The following ANKRD6 variants were observed in gnomAD, a reference collection of about 807,000 sequenced individuals.
ANKRD6 encodes ankyrin repeat domain 6.
In ANKRD6, 56 loss-of-function variants were observed where a neutral mutation model predicts 82.3. That is an observed-to-expected ratio of 0.68 (90% confidence interval 0.55 to 0.85). The LOEUF (loss-of-function observed/expected upper bound fraction) is 0.85. Among genes scored for constraint, ANKRD6 ranks in the 40% least tolerant of loss-of-function variants. ANKRD6 has a pLI of 0.00. For missense variants in ANKRD6, 852 were observed against 907.6 expected, an observed-to-expected ratio of 0.94 and a Z score of 0.79; for synonymous variants, 347 against 352.1, an observed-to-expected ratio of 0.99 and a Z score of 0.16.
In ANKRD6 at chr6:89,444,920, A is replaced by G. The variant is rs146280615; in HGVS notation, c.-144+11545A>G. 2.4e-3 allele frequency among the ~76,000 whole-genome samples: 360 copies of G among 152,266 alleles called. 1 individual carries two copies. The highest frequency in any genetic ancestry group is 8.3e-3 in the African/African-American group (343 of 41,542). On this transcript the variant is annotated intron_variant, in intron 1 of 15. Coordinates refer to ENST00000339746, the MANE Select transcript of ANKRD6 (RefSeq NM_001242809.2). ...GAGGCGGAGGTTACAGTGAGCCAAG[A>G]TCACACCATTGCACTCCAACATGAG... is the stretch of plus-strand genomic sequence containing the variant.
chr6:89,476,983 C>T (rs578173479), intron 1 of ANKRD6, among the ~76,000 whole-genome samples: 1 of 152,278 alleles, frequency 6.6e-6, no homozygotes, highest in South Asian at 2.1e-4. Flanking sequence ...CTCGTTCTGT[C>T]GCCCAGGCTG....
rs1230334302 is a variant in ANKRD6 at position 89,491,352 on chromosome 6, T to C, written c.-144+57977T>C. On this transcript the variant is annotated intron_variant, in intron 1 of 15. Coordinates refer to ENST00000339746, the MANE Select transcript of ANKRD6 (RefSeq NM_001242809.2). ...AAGAAACTTGAGAAAACTGCAGATA[T>C]AGGAGGGTTGCTCTTACTTCCCCCA... Among the ~76,000 whole-genome samples, 4 of 152,154 alleles carry C rather than the reference T, an allele frequency of 2.6e-5. 1 individual carries two copies. The highest frequency in any genetic ancestry group is 4.1e-4 in the South Asian group (2 of 4,826).
At chr6:89,461,920 A>G (rs1212326475) in intron 1 of ANKRD6, among the ~76,000 whole-genome samples, 1 of 152,116 alleles carries the variant, frequency 6.6e-6, no homozygotes, top group African/African-American at 2.4e-5. Flanking sequence ...CTCATTAGAG[A>G]TAACCAGTGC....
chr6:89,547,349 G>A (rs563588958), intron 1 of ANKRD6, among the ~76,000 whole-genome samples: 1 of 152,290 alleles, frequency 6.6e-6, no homozygotes, highest in East Asian at 1.9e-4. Context: ...CAGCTGAGTG[G>A]TTTCACTGGT....
intron 2 of ANKRD6, among the ~76,000 whole-genome samples, chr6:89,586,235 A>G (rs1793655498): frequency 6.6e-6 from 1 of 152,240 alleles, no homozygotes; most frequent in African/African-American, 2.4e-5. Flanking sequence ...ATTAAAAGAG[A>G]AAAACACATG....
At chr6:89,629,048 C>T in intron 14 of ANKRD6, 64 bp from the exon 15 acceptor site, 2 of 1,520,632 alleles carry the variant, frequency 1.3e-6, no homozygotes, top group East Asian at 2.3e-5. Context: ...AATTCATAAA[C>T]CATGTATCAA....
At chr6:89,530,223 C>G (rs765181781) in intron 1 of ANKRD6, among the ~76,000 whole-genome samples, 1 of 152,108 alleles carries the variant, frequency 6.6e-6, no homozygotes, top group African/African-American at 2.4e-5. Context: ...CCACTACACT[C>G]CAGCCTGGGC....
chr6:89,466,423 T>A (rs1774852501), intron 1 of ANKRD6, among the ~76,000 whole-genome samples: 1 of 152,174 alleles, frequency 6.6e-6, no homozygotes, highest in African/African-American at 2.4e-5. Flanking sequence ...CTCCTAGAAA[T>A]TTTGCCAGCA....
chr6:89,540,676 G>C (rs907596737), intron 1 of ANKRD6, among the ~76,000 whole-genome samples: 6 of 152,088 alleles, frequency 3.9e-5, no homozygotes, highest in Non-Finnish European at 8.8e-5. Flanking sequence ...TTGTGCTTGC[G>C]GGGTATTGCT....
At chr6:89,585,682 G>T (rs376623707) in intron 2 of ANKRD6, among the ~76,000 whole-genome samples, 5 of 152,240 alleles carry the variant, frequency 3.3e-5, no homozygotes, top group African/African-American at 1.2e-4. Context: ...GCCAAGGCGG[G>T]TGGATCACTT....
In ANKRD6 at chr6:89,567,039, CCAAA is replaced by C; in HGVS notation, c.66_69del (p.Thr23ArgfsTer13). On this transcript the variant is annotated frameshift_variant, in exon 2 of 16. Transcript: ENST00000339746. LOFTEE classifies it high-confidence loss of function. ...GCCTTCTCGTAGCTGCGTACAAAGG[CCAAA>C]CAGAGAATGTGGTTCAGCTCATCAA... The C allele has an allele frequency of 6.2e-7, 1 of 1,607,560 alleles. No individual in the cohort carries two copies. Among genetic ancestry groups the C allele is most frequent in the Non-Finnish European group, 8.5e-7 (1 of 1,176,968 alleles).
chr6:89,517,103 C>T (rs1283142687), intron 1 of ANKRD6, among the ~76,000 whole-genome samples: 1 of 152,170 alleles, frequency 6.6e-6, no homozygotes, highest in African/African-American at 2.4e-5. Context: ...TTCCTGGGCT[C>T]AAGTTACCCT....
At chr6:89,444,495 C>G (rs1282551456) in intron 1 of ANKRD6, among the ~76,000 whole-genome samples, 1 of 152,128 alleles carries the variant, frequency 6.6e-6, no homozygotes, top group East Asian at 1.9e-4. Flanking sequence ...ATCTTTGTTA[C>G]CTTGCTGAAA....
rs988057588 is a variant in ANKRD6, at chr6:89,616,445, C to A, written c.616-114C>A. ...CTTTAACAAAGGGCCCCATTTCAGT[C>A]TCAGGCAAATCTCAGTTTGACTTTG... On this transcript the variant is annotated intron_variant, in intron 7 of 15. Coordinates refer to ENST00000339746, the MANE Select transcript of ANKRD6 (RefSeq NM_001242809.2). The A allele has an allele frequency of 6.4e-6, 6 of 938,908 alleles. No homozygotes were observed. In the African/African-American group the frequency reaches 8.2e-5, roughly 13 times the overall value. The allele number at this position is 938,908 out of a possible 1,614,324, so 58.2% of individuals were successfully genotyped here. A position where few individuals can be genotyped will look rare whatever the true frequency, so the allele number is the denominator to read the frequency against.
chr6:89,544,570 T>C (rs1449027245), intron 1 of ANKRD6, among the ~76,000 whole-genome samples: 2 of 151,446 alleles, frequency 1.3e-5, no homozygotes, highest in African/African-American at 2.4e-5. Flanking sequence ...AAAAATTAGC[T>C]GGGCGTAGTG....
intron 1 of ANKRD6, among the ~76,000 whole-genome samples, chr6:89,477,223 C>T (rs558500822): frequency 7.9e-5 from 12 of 152,124 alleles, no homozygotes; most frequent in South Asian, 4.2e-4. Flanking sequence ...GGATTACAGG[C>T]GTGAGCCACC....
chr6:89,606,337 G>T (rs867661590), intron 5 of ANKRD6, among the ~76,000 whole-genome samples: 4 of 152,268 alleles, frequency 2.6e-5, no homozygotes, highest in African/African-American at 7.2e-5. Flanking sequence ...TATGTGAGAG[G>T]CCCCTGACTG....
intron 1 of ANKRD6, among the ~76,000 whole-genome samples, chr6:89,492,746 A>G (rs566015583): frequency 1.3e-5 from 2 of 152,312 alleles, no homozygotes; most frequent in East Asian, 3.9e-4. Context: ...TCTTTCAGAG[A>G]TTCACAACAG....
chr6:89,577,918 TAAG>T (rs1330081922), intron 2 of ANKRD6, among the ~76,000 whole-genome samples: 2 of 152,234 alleles, frequency 1.3e-5, no homozygotes, highest in Non-Finnish European at 2.9e-5. Flanking sequence ...CAAGTTTGGT[TAAG>T]AAGAAAATTC....
Sources: allele counts gnomAD v4.1 joint callset (sites outside exome capture counted in the v4.1 genomes callset), GRCh38; gene constraint gnomAD v4.1.1; transcripts MANE v1.5; gene names NCBI Gene and HGNC (gene_info 2026-07-23, HGNC 2026-07-21).